Variants in SIK3 observed in about 807,000 individuals in gnomAD.
The protein encoded by SIK3 is SIK family kinase 3, also known as serine/threonine-protein kinase SIK3.
A neutral mutation model predicts 144.2 loss-of-function variants in SIK3; 28 were observed. The observed-to-expected ratio is 0.19, with a 90% confidence interval of 0.14 to 0.27. SIK3 has a LOEUF of 0.27. Ranked by LOEUF, SIK3 falls within the 10% of genes least tolerant of loss-of-function variation. SIK3 has a pLI of 1.00. For missense variants in SIK3, 1,319 were observed against 1,776.0 expected, an observed-to-expected ratio of 0.74 and a Z score of 4.62; for synonymous variants, 686 against 676.3, an observed-to-expected ratio of 1.01 and a Z score of -0.22.
intron 1 of SIK3, among the ~76,000 whole-genome samples, chr11:116,976,036 C>T (rs553958191): frequency 1.8e-4 from 28 of 152,228 alleles, no homozygotes; most frequent in Admixed American, 1.1e-3. Context: ...ACATTGAAAT[C>T]TTTCCTCTAT....
At chr11:117,030,708 T>C (rs1003819915) in intron 1 of SIK3, among the ~76,000 whole-genome samples, 2 of 152,214 alleles carry the variant, frequency 1.3e-5, no homozygotes, top group Non-Finnish European at 2.9e-5. Flanking sequence ...CTCATTCCCG[T>C]TGCCCAGGCT....
intron 3 of SIK3, among the ~76,000 whole-genome samples, chr11:116,941,408 TAA>T (rs11339061): frequency 0.1 from 14,394 of 142,638 alleles, 974 homozygotes; most frequent in African/African-American, 0.19. Context: ...TAAAAACATG[TAA>T]AAAAAAAAAA....
At position 117,053,462 on chromosome 11, in the gene SIK3, T is replaced by G. The variant is rs186052664; in HGVS notation, c.273+44681A>C. Among the ~76,000 whole-genome samples, 3 of 152,182 alleles carry G rather than the reference T, an allele frequency of 2.0e-5. No individual in the cohort carries two copies. In the East Asian group the frequency reaches 5.8e-4, roughly 29 times the overall value. ...GTAATATGCAAGCCCTTTCAATGCA[T>G]TTTCCCTACATTAATTCACTTAACC... is the stretch of plus-strand genomic sequence containing the variant. On this transcript the variant is annotated intron_variant, in intron 1 of 24. Coordinates refer to ENST00000445177, the MANE Select transcript of SIK3 (RefSeq NM_001366686.3).
At chr11:117,070,558 T>C (rs1257496963) in intron 1 of SIK3, among the ~76,000 whole-genome samples, 2 of 152,052 alleles carry the variant, frequency 1.3e-5, no homozygotes, top group Admixed American at 6.5e-5. Context: ...GAGATTCTCC[T>C]GCCTCAGCCT....
intron 3 of SIK3, among the ~76,000 whole-genome samples, chr11:116,944,366 G>A (rs758495086): frequency 2.1e-4 from 32 of 151,974 alleles, no homozygotes; most frequent in Non-Finnish European, 7.4e-5. Context: ...TCAGGGTAGA[G>A]GCTGGATATA....
intron 4 of SIK3, among the ~76,000 whole-genome samples, chr11:116,900,126 T>C (rs769653242): frequency 2.0e-5 from 3 of 152,150 alleles, no homozygotes; most frequent in South Asian, 4.1e-4. Context: ...TCCCCAATAC[T>C]TGCTTGGGAA....
chr11:117,012,849 C>CTTTT lies in SIK3; in HGVS notation c.274-55789_274-55786dup, dbSNP rs10652499. ...AGGGTTTTTTTTTTTGCCATTACTG[C>CTTTT]TTTTTTTTTTTTTTTTTTTTGAGAC... On this transcript the variant is annotated intron_variant, in intron 1 of 24. Transcript: ENST00000445177. 3.3e-3 allele frequency among the ~76,000 whole-genome samples: 317 copies of CTTTT among 96,096 alleles called. 7 individuals carry two copies. The highest frequency in any genetic ancestry group is 7.7e-3 in the South Asian group (21 of 2,714). The allele number at this position is 96,096 out of a possible 152,430, so 63.0% of individuals were successfully genotyped here.
chr11:117,021,031 A>AGAACT (rs1225390946), intron 1 of SIK3, among the ~76,000 whole-genome samples: 3 of 152,206 alleles, frequency 2.0e-5, no homozygotes, highest in East Asian at 1.9e-4. Context: ...AGACAGTGTC[A>AGAACT]GAACTGAACT....
intron 1 of SIK3, among the ~76,000 whole-genome samples, chr11:116,997,523 A>G (rs1366210658): frequency 2.0e-5 from 3 of 152,274 alleles, no homozygotes; most frequent in Non-Finnish European, 4.4e-5. Context: ...AAAATTTGAT[A>G]AAAGGAATAA....
chr11:117,071,782 ATT>A (rs57735255), intron 1 of SIK3, among the ~76,000 whole-genome samples: 45 of 105,612 alleles, frequency 4.3e-4, no homozygotes, highest in African/African-American at 1.5e-3. Context: ...TGCTTGGTTA[ATT>A]TTTTTTTTTT....
At chr11:116,934,993 G>C (rs936013971) in intron 3 of SIK3, among the ~76,000 whole-genome samples, 3 of 152,216 alleles carry the variant, frequency 2.0e-5, no homozygotes, top group South Asian at 2.1e-4. Context: ...GCTGAGGCAG[G>C]AGAATCGCTT....
intron 1 of SIK3, among the ~76,000 whole-genome samples, chr11:117,045,866 C>T (rs1952939953): frequency 6.6e-6 from 1 of 152,208 alleles, no homozygotes; most frequent in Non-Finnish European, 1.5e-5. Flanking sequence ...TGTATGAACT[C>T]TAAACTTCAC....
intron 1 of SIK3, among the ~76,000 whole-genome samples, chr11:117,005,336 G>GAAA (rs35279676): frequency 0.094 from 5,248 of 55,928 alleles, 440 homozygotes; most frequent in South Asian, 0.14. Flanking sequence ...CCCCGTCTCA[G>GAAA]AAAAAAAAAA....
At chr11:116,972,268 G>C (rs902871669) in intron 1 of SIK3, among the ~76,000 whole-genome samples, 6 of 151,968 alleles carry the variant, frequency 3.9e-5, no homozygotes, top group Admixed American at 3.9e-4. Context: ...CCAGACAGTC[G>C]AGCTCAAGAA....
At chr11:116,908,667 A>C (rs556724926) in intron 4 of SIK3, among the ~76,000 whole-genome samples, 2 of 152,240 alleles carry the variant, frequency 1.3e-5, no homozygotes, top group South Asian at 2.1e-4. Context: ...ACACAAAAAG[A>C]AGCTCAATCT....
chr11:116,860,931 C>A (rs562279139), intron 19 of SIK3, among the ~76,000 whole-genome samples: 1 of 152,310 alleles, frequency 6.6e-6, no homozygotes, highest in Admixed American at 6.5e-5. Context: ...ATGAGCCTTG[C>A]TTCTCCTTCT....
At position 116,849,225 on chromosome 11, in the gene SIK3, C is replaced by T. The variant is rs146679016; in HGVS notation, c.3714G>A (p.Pro1238=). Residue 1238 remains proline, a synonymous_variant, in exon 22 of 25, where the codon CCG becomes CCA. Transcript: ENST00000445177. This position sits in a 1 kb window ranked among gnomAD's most constrained non-coding sequence, Gnocchi z 4.2. The stretch of plus-strand genomic sequence containing the variant: ...CTGGGTACCCGAGCCCATTGTGATC[C>T]GGCAGCTCCACTGCTTGTCCTGGAG... ...RSSPGQAVEL[P]DHNGLGYPAR... 1.3e-4 allele frequency: 216 copies of T among 1,614,040 alleles called. 1 individual carries two copies. In the African/African-American group the frequency reaches 2.5e-3, roughly 19 times the overall value.
At chr11:117,010,229 A>G (rs1385171189) in intron 1 of SIK3, among the ~76,000 whole-genome samples, 1 of 152,196 alleles carries the variant, frequency 6.6e-6, no homozygotes. Context: ...GCTCCAATGC[A>G]TTCAGAATTT....
intron 3 of SIK3, 125 bp from the exon 4 acceptor site, chr11:116,927,505 G>C (rs560928251): frequency 8.7e-5 from 67 of 773,174 alleles, no homozygotes; most frequent in Non-Finnish European, 1.2e-4. Context: ...AGCAATGAGA[G>C]AACAACACAT....
Sources: allele counts gnomAD v4.1 joint callset (sites outside exome capture counted in the v4.1 genomes callset), GRCh38; gene constraint gnomAD v4.1.1; non-coding constraint Gnocchi (gnomAD v3.1); transcripts MANE v1.5; gene names NCBI Gene and HGNC (gene_info 2026-07-23, HGNC 2026-07-21).